The following CSMD3 variants were observed in gnomAD, a reference collection of about 807,000 sequenced individuals.
CSMD3 encodes CUB and Sushi multiple domains 3, also known as CUB and sushi domain-containing protein 3.
CSMD3 carries 177 observed loss-of-function variants against 435.2 expected under a neutral mutation model. The ratio of observed to expected loss-of-function variants is 0.41; its 90% CI spans 0.36 to 0.46. The LOEUF (loss-of-function observed/expected upper bound fraction) is 0.46, where lower values mean the gene tolerates loss of function less well. Among genes scored for constraint, CSMD3 ranks in the 20% least tolerant of loss-of-function variants. The pLI, the probability that CSMD3 is intolerant of heterozygous loss-of-function variation, is 0.34. For missense variants in CSMD3, 4,265 were observed against 4,504.6 expected (o/e 0.95, Z 1.52); for synonymous variants, 1,656 against 1,520.5 (o/e 1.09, Z -2.07).
chr8:112,878,671 G>A (rs1395433615), intron 10 of CSMD3, among the ~76,000 whole-genome samples: 1 of 152,088 alleles, frequency 6.6e-6, no homozygotes, highest in Non-Finnish European at 1.5e-5. Flanking sequence ...CAATCCAAAT[G>A]TCCATCAATG....
At chr8:112,245,227 C>T (rs1370233378) in intron 64 of CSMD3, among the ~76,000 whole-genome samples, 2 of 151,850 alleles carry the variant, frequency 1.3e-5, no homozygotes, top group Non-Finnish European at 2.9e-5. Context: ...CCTTCCACTC[C>T]TAATTCTCTA....
intron 30 of CSMD3, among the ~76,000 whole-genome samples, chr8:112,496,624 T>TA (rs1333809864): frequency 1.3e-5 from 2 of 152,128 alleles, no homozygotes; most frequent in African/African-American, 2.4e-5. Flanking sequence ...TATTCAGCCA[T>TA]AAAAAAGAAT....
chr8:113,030,417 T>TAAAAAAAAAAA (rs35890606), intron 5 of CSMD3, among the ~76,000 whole-genome samples: 2 of 24,356 alleles, frequency 8.2e-5, no homozygotes, highest in African/African-American at 4.4e-4. Context: ...TTGGTACTGG[T>TAAAAAAAAAAA]AAAAAAAAAA....
intron 13 of CSMD3, among the ~76,000 whole-genome samples, chr8:112,746,988 G>C (rs1343373593): frequency 1.3e-5 from 2 of 151,836 alleles, no homozygotes; most frequent in East Asian, 3.9e-4. Flanking sequence ...CATTTCCAAG[G>C]AAATTTTATT....
At position 112,506,656 on chromosome 8, in the gene CSMD3, T is replaced by C. The variant is rs774163947; in HGVS notation, c.4895+35A>G. ...AAAGCAAAATGGCCTAACAATATAT[T>C]TTTTTAACGTGGAAATAAATATATA... On this transcript the variant is annotated intron_variant, in intron 29 of 70. Transcript: ENST00000297405. 2.7e-5 allele frequency: 44 copies of C among 1,607,216 alleles called. No homozygotes were observed. In the South Asian group the frequency reaches 4.6e-4, roughly 17 times the overall value.
chr8:113,294,574 A>C (rs2093706316), intron 2 of CSMD3, among the ~76,000 whole-genome samples: 2 of 152,120 alleles, frequency 1.3e-5, no homozygotes, highest in South Asian at 4.1e-4. Context: ...AATTATTCTG[A>C]TGTAAGAAGT....
intron 31 of CSMD3, among the ~76,000 whole-genome samples, chr8:112,491,243 A>G (rs1475002311): frequency 6.6e-6 from 1 of 152,130 alleles, no homozygotes; most frequent in East Asian, 1.9e-4. Flanking sequence ...AAAAAATGCA[A>G]TTTATATCAT....
At position 112,685,664 on chromosome 8, in the gene CSMD3, C is replaced by T. The variant is rs1410677012; in HGVS notation, c.2224G>A (p.Gly742Arg). Residue 742 changes from glycine to arginine, a missense_variant, in exon 15 of 71, where the codon GGA becomes AGA. Coordinates refer to ENST00000297405, the MANE Select transcript of CSMD3 (RefSeq NM_198123.2). ...VLSPDYPEGY[G>R]NNLNCIWTII... The stretch of plus-strand genomic sequence containing the variant: ...GTCCAGATGCAATTTAAATTATTTC[C>T]ATACCCTTCTGGGTAATCAGGAGAA... The T allele has an allele frequency of 6.2e-7, 1 of 1,613,698 alleles. No homozygotes were observed. Among genetic ancestry groups the T allele is most frequent in the Non-Finnish European group, 8.5e-7 (1 of 1,179,630 alleles).
intron 3 of CSMD3, among the ~76,000 whole-genome samples, chr8:113,245,804 G>A (rs1213427469): frequency 6.6e-6 from 1 of 151,916 alleles, no homozygotes; most frequent in African/African-American, 2.4e-5. Flanking sequence ...ATATTTCTGT[G>A]AGAAAGATCT....
rs747739413 is a variant in CSMD3, at chr8:112,573,581, C to T, written c.3962G>A (p.Ser1321Asn). The T allele has an allele frequency of 5.6e-6, 9 of 1,613,202 alleles. No individual in the cohort carries two copies. The South Asian group carries it at 9.9e-5, about 18-fold the overall frequency. ...TGASMRGLTL[S>N]STSNQLWLEF... ...TAGCCAGAGTTGATTTGAAGTACTACTAAGTGTCAGTCCGCGCATAGATGC... is the reference window on the plus strand; with the variant it reads ...TAGCCAGAGTTGATTTGAAGTACTATTAAGTGTCAGTCCGCGCATAGATGC... The change falls in exon 24 of 71, where the codon AGT becomes AAT. Residue 1321 changes from serine (S) to asparagine (N), a missense_variant. Ser to Asn is a conservative substitution (Grantham distance 46). This residue lies in a region of CSMD3 where 3,255 missense variants were observed against 3,380.2 expected (regional missense o/e 0.96). Coordinates refer to ENST00000297405, the MANE Select transcript of CSMD3 (RefSeq NM_198123.2).
At chr8:112,306,938 T>C (rs1288085676) in intron 50 of CSMD3, among the ~76,000 whole-genome samples, 1 of 152,128 alleles carries the variant, frequency 6.6e-6, no homozygotes, top group Non-Finnish European at 1.5e-5. Context: ...ATATATTTTA[T>C]ACTTTACAAT....
At position 112,997,856 on chromosome 8, in the gene CSMD3, A is replaced by ATG. The variant is rs958748819; in HGVS notation, c.1030+21209_1030+21210dup. On this transcript the variant is annotated intron_variant, in intron 6 of 70. Coordinates refer to ENST00000297405, the MANE Select transcript of CSMD3 (RefSeq NM_198123.2). The stretch of plus-strand genomic sequence containing the variant: ...AATATACGTATGTATGTACATGTAT[A>ATG]TGTGTGTATATATATATATATATAC... 3.3e-4 allele frequency among the ~76,000 whole-genome samples: 28 copies of ATG among 83,664 alleles called. No individual in the cohort carries two copies. The East Asian group carries it at 8.2e-3, about 25-fold the overall frequency. The allele number at this position is 83,664 out of a possible 152,430, so 54.9% of individuals were successfully genotyped here. A position where few individuals can be genotyped will look rare whatever the true frequency, so the allele number is the denominator to read the frequency against.
chr8:113,403,456 A>C (rs536672927), intron 1 of CSMD3, among the ~76,000 whole-genome samples: 1 of 151,346 alleles, frequency 6.6e-6, no homozygotes, highest in African/African-American at 2.4e-5. Flanking sequence ...AAAATGCAGA[A>C]ATTTTGAAAA....
At chr8:112,314,200 T>C in intron 48 of CSMD3, 148 bp from the exon 49 acceptor site, 1 of 747,998 alleles carries the variant, frequency 1.3e-6, no homozygotes, top group Non-Finnish European at 2.2e-6. Context: ...ACATAAAATG[T>C]TTGTTTTAAG....
At chr8:113,238,252 T>C (rs2093172528) in intron 3 of CSMD3, among the ~76,000 whole-genome samples, 1 of 152,106 alleles carries the variant, frequency 6.6e-6, no homozygotes, top group Admixed American at 6.6e-5. Flanking sequence ...GAACCATCAG[T>C]AATCTAGGTC....
intron 2 of CSMD3, among the ~76,000 whole-genome samples, chr8:113,285,221 T>C (rs2132495380): frequency 6.6e-6 from 1 of 151,320 alleles, no homozygotes; most frequent in Middle Eastern, 3.5e-3. Context: ...TAAAGGTGAG[T>C]AAGGCAATGG....
intron 13 of CSMD3, among the ~76,000 whole-genome samples, chr8:112,764,819 T>C (rs2077933817): frequency 6.6e-6 from 1 of 151,700 alleles, no homozygotes; most frequent in Non-Finnish European, 1.5e-5. Flanking sequence ...ACAAATGAGA[T>C]TAGTAAATAA....
chr8:112,940,301 C>T lies in CSMD3; in HGVS notation c.1508+7489G>A, dbSNP rs563810826. ...AATTTGGAGTCCAAATTGTTATTTG[C>T]TCTCAAGAGAAGCCCAAATTTATGT... On this transcript the variant is annotated intron_variant, in intron 9 of 70. Transcript: ENST00000297405. Among the ~76,000 whole-genome samples, 7 of 151,824 alleles carry T rather than the reference C, an allele frequency of 4.6e-5. No homozygotes were observed. In the South Asian group the frequency reaches 8.3e-4, roughly 18 times the overall value.
chr8:113,393,093 T>A (rs1409797225), intron 1 of CSMD3, among the ~76,000 whole-genome samples: 2 of 151,986 alleles, frequency 1.3e-5, no homozygotes, highest in East Asian at 1.9e-4. Context: ...TTATAACATA[T>A]AATGCTCACA....
Sources: gnomAD v4.1 joint callset for allele counts (sites outside exome capture counted in the v4.1 genomes callset) on GRCh38, gnomAD v4.1.1 for gene constraint, gnomAD v4.1.1 regional missense constraint, MANE v1.5 for transcripts, NCBI Gene and HGNC (gene_info 2026-07-23, HGNC 2026-07-21) for gene names.